Variants in TLL1 observed in about 807,000 individuals in gnomAD.
TLL1 encodes tolloid-like protein 1.
A neutral mutation model predicts 128.2 loss-of-function variants in TLL1; 49 were observed. The ratio of observed to expected loss-of-function variants is 0.38; its 90% CI spans 0.30 to 0.48. The LOEUF (loss-of-function observed/expected upper bound fraction) is 0.48, where lower values mean the gene tolerates loss of function less well. Ranked by LOEUF, TLL1 falls within the 20% of genes least tolerant of loss-of-function variation. The pLI is 0.96. For synonymous variants in TLL1, 454 were observed against 418.8 expected, an observed-to-expected ratio of 1.08 and a Z score of -1.03; for missense variants, 1,123 against 1,242.0, an observed-to-expected ratio of 0.90 and a Z score of 1.44.
intron 1 of TLL1, among the ~76,000 whole-genome samples, chr4:165,928,130 T>G (rs1220640976): frequency 2.0e-5 from 3 of 152,212 alleles, no homozygotes; most frequent in East Asian, 1.9e-4. Flanking sequence ...TTTCAATTCT[T>G]TGTTTCTAAA....
chr4:165,978,059 A>G (rs1364274162), intron 1 of TLL1, among the ~76,000 whole-genome samples: 1 of 152,144 alleles, frequency 6.6e-6, no homozygotes, highest in Non-Finnish European at 1.5e-5. Context: ...GGCCAGCAGG[A>G]GCTTACACAA....
At chr4:165,939,619 C>T (rs1023937481) in intron 1 of TLL1, among the ~76,000 whole-genome samples, 1 of 151,988 alleles carries the variant, frequency 6.6e-6, no homozygotes, top group Non-Finnish European at 1.5e-5. Context: ...TTCTACAGGG[C>T]AAATTGGTTT....
At chr4:166,091,098 T>TAAA (rs774811274) in intron 18 of TLL1, 30 bp from the exon 19 acceptor site, 34 of 1,577,654 alleles carry the variant, frequency 2.2e-5, no homozygotes, top group Admixed American at 1.2e-4. Flanking sequence ...TGTTTTTTTT[T>TAAA]AAAAAAATTA....
At chr4:165,962,377 T>C (rs74353439) in intron 1 of TLL1, among the ~76,000 whole-genome samples, 1 of 152,162 alleles carries the variant, frequency 6.6e-6, no homozygotes, top group African/African-American at 2.4e-5. Flanking sequence ...TGAGACACCA[T>C]CTTACACCAC....
At chr4:166,006,048 T>C (rs111392409) in intron 6 of TLL1, among the ~76,000 whole-genome samples, 1 of 151,758 alleles carries the variant, frequency 6.6e-6, no homozygotes, top group Non-Finnish European at 1.5e-5. Flanking sequence ...AAGATTAATC[T>C]TCAAAAAATT....
At chr4:165,931,598 A>C (rs887703699) in intron 1 of TLL1, among the ~76,000 whole-genome samples, 1 of 151,936 alleles carries the variant, frequency 6.6e-6, no homozygotes, top group African/African-American at 2.4e-5. Flanking sequence ...GGGCACCTGT[A>C]GTCCCAGCTA....
intron 13 of TLL1, 97 bp downstream of exon 13, chr4:166,055,368 G>C: frequency 2.8e-6 from 3 of 1,076,952 alleles, no homozygotes; most frequent in Non-Finnish European, 4.2e-6. Context: ...AAGTTGTATT[G>C]AAAGTTGAAT....
chr4:166,001,335 T>C (rs1420938210), intron 5 of TLL1, among the ~76,000 whole-genome samples: 2 of 152,136 alleles, frequency 1.3e-5, no homozygotes, highest in East Asian at 3.9e-4. Context: ...GCTACTATAA[T>C]ATTATGCCAT....
chr4:165,931,990 G>C (rs1733549178), intron 1 of TLL1, among the ~76,000 whole-genome samples: 1 of 152,182 alleles, frequency 6.6e-6, no homozygotes, highest in Non-Finnish European at 1.5e-5. Flanking sequence ...ACTTTCCTTT[G>C]CTGGAAAGCC....
intron 5 of TLL1, among the ~76,000 whole-genome samples, chr4:165,998,506 C>G (rs1281051930): frequency 6.6e-6 from 1 of 152,110 alleles, no homozygotes; most frequent in South Asian, 2.1e-4. Context: ...AAAGTAGATA[C>G]TTTTGAGCCG....
chr4:166,095,275 G>A (rs1196436634), intron 19 of TLL1, among the ~76,000 whole-genome samples: 1 of 151,932 alleles, frequency 6.6e-6, no homozygotes, highest in African/African-American at 2.4e-5. Context: ...AAAAGTCCAC[G>A]GAAAATGGAC....
intron 1 of TLL1, among the ~76,000 whole-genome samples, chr4:165,979,589 A>G (rs1023442735): frequency 6.6e-6 from 1 of 152,116 alleles, no homozygotes. Flanking sequence ...TAGAAGGGAA[A>G]CATAGATAAG....
chr4:165,936,327 C>A (rs1410783521), intron 1 of TLL1, among the ~76,000 whole-genome samples: 1 of 148,798 alleles, frequency 6.7e-6, no homozygotes, highest in African/African-American at 2.5e-5. Flanking sequence ...TCAAGTGATT[C>A]TCCTGCCTCA....
intron 1 of TLL1, chr4:165,875,158 C>T (rs1324881807): frequency 1.3e-5 from 2 of 152,350 alleles, no homozygotes; most frequent in African/African-American, 4.8e-5. Flanking sequence ...TTTAGCGAAG[C>T]GCAGAGGAAG....
chr4:166,035,338 A>G (rs1738952488), intron 9 of TLL1, among the ~76,000 whole-genome samples: 3 of 152,188 alleles, frequency 2.0e-5, no homozygotes, highest in Admixed American at 6.6e-5. Flanking sequence ...ATATTTTTTC[A>G]GGGTTTATAT....
At chr4:165,881,126 T>C (rs918467771) in intron 1 of TLL1, among the ~76,000 whole-genome samples, 1 of 152,200 alleles carries the variant, frequency 6.6e-6, no homozygotes, top group Non-Finnish European at 1.5e-5. Context: ...ATTAAGTATA[T>C]GCCTCATTGC....
intron 6 of TLL1, among the ~76,000 whole-genome samples, chr4:166,003,889 C>T (rs1431405168): frequency 2.0e-5 from 3 of 151,774 alleles, no homozygotes; most frequent in Non-Finnish European, 4.4e-5. Context: ...TTCTTTTTTA[C>T]TGAAGCATTT....
At chr4:165,932,991 T>C (rs1421622566) in intron 1 of TLL1, among the ~76,000 whole-genome samples, 1 of 152,178 alleles carries the variant, frequency 6.6e-6, no homozygotes, top group Non-Finnish European at 1.5e-5. Flanking sequence ...GATTAGAAAG[T>C]TAAAACATCT....
chr4:165,882,960 A>T (rs1731024823), intron 1 of TLL1, among the ~76,000 whole-genome samples: 1 of 151,974 alleles, frequency 6.6e-6, no homozygotes, highest in Admixed American at 6.6e-5. Context: ...GTGTTCGAGG[A>T]TGAAAATAGT....
Sources: allele counts gnomAD v4.1 joint callset (sites outside exome capture counted in the v4.1 genomes callset), GRCh38; gene constraint gnomAD v4.1.1; transcripts MANE v1.5; gene names NCBI Gene and HGNC (gene_info 2026-07-23, HGNC 2026-07-21).